CDKL5: variants seen among roughly 807,000 people sequenced by gnomAD.
CDKL5 encodes the protein cyclin-dependent kinase-like 5.
CDKL5 carries 8 observed loss-of-function variants against 61.7 expected under a neutral mutation model. The ratio of observed to expected loss-of-function variants is 0.13; its 90% CI spans 0.08 to 0.23. The LOEUF (loss-of-function observed/expected upper bound fraction) is 0.23. Among genes scored for constraint, CDKL5 ranks in the 10% least tolerant of loss-of-function variants. The pLI is 1.00. For synonymous variants in CDKL5, 275 were observed against 272.3 expected (o/e 1.01, Z -0.10); for missense variants, 440 against 734.5 (o/e 0.60, Z 4.63).
chrX:18,452,217 A>G (rs1434498127), intron 1 of CDKL5, among the ~76,000 whole-genome samples: 1 of 111,800 alleles, frequency 8.9e-6, no homozygotes, highest in African/African-American at 3.3e-5. Flanking sequence ...CATAATATAC[A>G]AACTTTAATA....
At chrX:18,489,839 C>T (rs1244339117) in intron 1 of CDKL5, among the ~76,000 whole-genome samples, 1 of 109,985 alleles carries the variant, frequency 9.1e-6, no homozygotes, top group Non-Finnish European at 1.9e-5. Flanking sequence ...TCACTGGAGT[C>T]CAGGAATTGG....
chrX:18,490,954 G>C (rs1045311410), intron 1 of CDKL5, among the ~76,000 whole-genome samples: 2 of 111,821 alleles, frequency 1.8e-5, no homozygotes, highest in Non-Finnish European at 3.8e-5. Context: ...TCCATGCCTC[G>C]CAAAGTTGCT....
intron 1 of CDKL5, among the ~76,000 whole-genome samples, chrX:18,479,314 C>CTTTTT (rs761687087): frequency 1.0e-3 from 69 of 66,535 alleles, no homozygotes; most frequent in Non-Finnish European, 1.3e-3. Flanking sequence ...GCCACTATTT[C>CTTTTT]TTTTTTTTTT....
intron 1 of CDKL5, among the ~76,000 whole-genome samples, chrX:18,432,091 C>T (rs1442891712): frequency 9.6e-6 from 1 of 103,940 alleles, no homozygotes; most frequent in Non-Finnish European, 2.0e-5. Context: ...TTCTTTCTTT[C>T]TTTCTTTCTT....
At chrX:18,645,202 G>A (rs967707509) in intron 19 of CDKL5, among the ~76,000 whole-genome samples, 2 of 111,377 alleles carry the variant, frequency 1.8e-5, no homozygotes, top group Non-Finnish European at 3.8e-5. Context: ...AGTTCCCCCC[G>A]CCACCTCCTT....
intron 3 of CDKL5, among the ~76,000 whole-genome samples, chrX:18,563,585 A>G (rs1269272226): frequency 8.9e-6 from 1 of 111,732 alleles, no homozygotes; most frequent in Non-Finnish European, 1.9e-5. Flanking sequence ...ATTGTGTTTA[A>G]TTTTAAAGTT....
intron 3 of CDKL5, among the ~76,000 whole-genome samples, chrX:18,519,680 A>G (rs746874701): frequency 1.8e-5 from 2 of 111,609 alleles, no homozygotes; most frequent in Admixed American, 9.6e-5. Context: ...ACTGGCCTGC[A>G]TAGTACCCTT....
chrX:18,545,647 A>G (rs900899918), intron 3 of CDKL5, among the ~76,000 whole-genome samples: 38 of 112,558 alleles, frequency 3.4e-4, no homozygotes, highest in Admixed American at 1.7e-3. Context: ...TGCATATTCT[A>G]TGTACTTGGT....
At chrX:18,624,119 G>C (rs1293999226) in intron 16 of CDKL5, 1 of 241,311 alleles carries the variant, frequency 4.1e-6, no homozygotes, top group African/African-American at 3.0e-5. Context: ...TTAAGTACGT[G>C]AGCCAGTTCC....
chrX:18,640,826 T>C (rs898441830), downstream of CDKL5: 1 of 112,573 alleles, frequency 8.9e-6, no homozygotes, highest in African/African-American at 3.2e-5. Context: ...CTCCCCCGTG[T>C]TAACAGCCTC....
chrX:18,516,177 G>C (rs1923008924), intron 3 of CDKL5, among the ~76,000 whole-genome samples: 1 of 110,970 alleles, frequency 9.0e-6, no homozygotes, highest in Admixed American at 9.7e-5. Flanking sequence ...TTTTAATAGA[G>C]ATGGGGTTTC....
At chrX:18,615,211 C>T (rs1011407921) in intron 15 of CDKL5, among the ~76,000 whole-genome samples, 7 of 111,709 alleles carry the variant, frequency 6.3e-5, no homozygotes, top group East Asian at 2.8e-4. Flanking sequence ...GTTAACTCTT[C>T]GTGATAATGC....
Position 18,639,162 on chromosome X carries a change from C to T in CDKL5, c.*10405C>T, listed in dbSNP as rs183044183. Among the ~76,000 whole-genome samples the T allele has an allele frequency of 3.5e-3, 389 of 111,799 alleles. 2 individuals carry two copies. The highest frequency in any genetic ancestry group is 0.012 in the African/African-American group (373 of 30,797). On this transcript the variant is annotated 3_prime_UTR_variant, in exon 18 of 18. Transcript: ENST00000623535. Reference sequence around the variant, plus strand: ...TTTCTCAGATATGACACCAAAGGCACAAGCAAAGAGAAAAATAAATTGGAC... The same window carrying T: ...TTTCTCAGATATGACACCAAAGGCATAAGCAAAGAGAAAAATAAATTGGAC...
chrX:18,549,431 A>C (rs996145730), intron 3 of CDKL5, among the ~76,000 whole-genome samples: 2 of 112,443 alleles, frequency 1.8e-5, no homozygotes, highest in Non-Finnish European at 3.8e-5. Flanking sequence ...GCTGATCATC[A>C]GTCCATAATT....
intron 3 of CDKL5, among the ~76,000 whole-genome samples, chrX:18,532,106 A>G (rs1046958518): frequency 7.1e-5 from 8 of 112,360 alleles, no homozygotes; most frequent in Non-Finnish European, 1.5e-4. Flanking sequence ...AATTGGAAAT[A>G]TCTTGTCCAG....
chrX:18,551,937 G>A (rs1246200895), intron 3 of CDKL5, among the ~76,000 whole-genome samples: 1 of 109,589 alleles, frequency 9.1e-6, no homozygotes, highest in African/African-American at 3.3e-5. Context: ...ATGTCTCCTA[G>A]GGAATCTGTC....
intron 12 of CDKL5, among the ~76,000 whole-genome samples, chrX:18,608,584 C>G (rs1422774201): frequency 9.0e-6 from 1 of 111,262 alleles, no homozygotes; most frequent in Non-Finnish European, 1.9e-5. Flanking sequence ...CTAATTTGTT[C>G]TCTGCTTGCC....
At chrX:18,529,035 T>G (rs1923548225) in intron 3 of CDKL5, among the ~76,000 whole-genome samples, 1 of 111,408 alleles carries the variant, frequency 9.0e-6, no homozygotes, top group Admixed American at 9.5e-5. Context: ...ATGGTTGTAT[T>G]AATATGAACC....
downstream of CDKL5, chrX:18,641,838 A>T (rs1927585547): frequency 2.1e-6 from 1 of 467,779 alleles, no homozygotes; most frequent in Non-Finnish European, 3.6e-6. Flanking sequence ...TATTTCATTG[A>T]AATCAGAAAG....
Sources: allele counts gnomAD v4.1 joint callset (sites outside exome capture counted in the v4.1 genomes callset), GRCh38; gene constraint gnomAD v4.1.1; transcripts MANE v1.5; gene names NCBI Gene and HGNC (gene_info 2026-07-23, HGNC 2026-07-21).